The following TTC8 variants were observed in gnomAD, a reference collection of about 807,000 sequenced individuals.
TTC8 encodes the protein tetratricopeptide repeat domain 8.
In TTC8, 47 loss-of-function variants were observed where a neutral mutation model predicts 72.5. The ratio of observed to expected loss-of-function variants is 0.65; its 90% CI spans 0.51 to 0.83. The LOEUF (loss-of-function observed/expected upper bound fraction) is 0.83. Among genes scored for constraint, TTC8 ranks in the 40% least tolerant of loss-of-function variants. The pLI, the probability that TTC8 is intolerant of heterozygous loss-of-function variation, is 0.00. For synonymous variants in TTC8, 199 were observed against 221.4 expected (o/e 0.90, Z 0.90); for missense variants, 611 against 623.2 (o/e 0.98, Z 0.21).
At chr14:88,839,716 A>T in intron 3 of TTC8, 144 bp downstream of exon 3, 1 of 995,210 alleles carries the variant, frequency 1.0e-6, no homozygotes, top group Non-Finnish European at 1.5e-6. Flanking sequence ...TGAAAAAACC[A>T]TTACTTCAAG....
intron 1 of TTC8, among the ~76,000 whole-genome samples, chr14:88,827,972 G>A (rs570544820): frequency 6.6e-6 from 1 of 152,122 alleles, no homozygotes; most frequent in South Asian, 2.1e-4. Flanking sequence ...TTTGCTGAAT[G>A]AGTGCGTCGA....
chr14:88,850,184 GTTAATAGCTT>G (rs1277611832), intron 7 of TTC8, among the ~76,000 whole-genome samples: 1 of 152,156 alleles, frequency 6.6e-6, no homozygotes, highest in Non-Finnish European at 1.5e-5. Flanking sequence ...AAATTTTAAG[GTTAATAGCTT>G]TTAATTATGA....
downstream of TTC8, chr14:88,880,629 A>G (rs1205014947): frequency 1.3e-5 from 2 of 152,096 alleles, no homozygotes; most frequent in South Asian, 2.1e-4. Context: ...CCCTCTTCCA[A>G]TATTTGAAAC....
intron 10 of TTC8, among the ~76,000 whole-genome samples, chr14:88,863,295 A>C (rs1024153399): frequency 1.3e-5 from 2 of 152,210 alleles, no homozygotes; most frequent in Admixed American, 6.5e-5. Context: ...TTTCAGCAAA[A>C]GGATACAAAG....
intron 3 of TTC8, among the ~76,000 whole-genome samples, chr14:88,839,783 TCTTAAA>T (rs1462539600): frequency 6.6e-6 from 1 of 152,184 alleles, no homozygotes; most frequent in African/African-American, 2.4e-5. Flanking sequence ...AATTCAGTTA[TCTTAAA>T]CTTAAGGTAT....
intron 7 of TTC8, 47 bp downstream of exon 7, chr14:88,843,897 C>G: frequency 7.3e-7 from 1 of 1,374,482 alleles, no homozygotes; most frequent in Non-Finnish European, 1.0e-6. Context: ...ATTTTTCTGA[C>G]TTTGGAAGTT....
chr14:88,858,022 C>T (rs1016091846), intron 9 of TTC8, among the ~76,000 whole-genome samples: 1 of 151,162 alleles, frequency 6.6e-6, no homozygotes, highest in Non-Finnish European at 1.5e-5. Context: ...AGTGCAGTGG[C>T]ATGATCTCAG....
At chr14:88,826,597 G>C (rs766141069) in intron 1 of TTC8, among the ~76,000 whole-genome samples, 1 of 151,998 alleles carries the variant, frequency 6.6e-6, no homozygotes, top group East Asian at 2.0e-4. Flanking sequence ...CCAGTTACTC[G>C]GGAGGCCGAG....
intron 2 of TTC8, among the ~76,000 whole-genome samples, chr14:88,834,898 ATT>A (rs2094743279): frequency 6.6e-6 from 1 of 152,156 alleles, no homozygotes; most frequent in African/African-American, 2.4e-5. Context: ...AAAAATCTGT[ATT>A]TGGCATTATT....
At chr14:88,837,659 G>T (rs982098863) in intron 2 of TTC8, among the ~76,000 whole-genome samples, 1 of 152,086 alleles carries the variant, frequency 6.6e-6, no homozygotes, top group African/African-American at 2.4e-5. Flanking sequence ...ATACTGGCAG[G>T]GCAGTATGAC....
At position 88,841,106 on chromosome 14, in the gene TTC8, C is replaced by T; in HGVS notation, c.399C>T (p.Gly133=). 1 of 1,614,086 alleles carries T rather than the reference C, an allele frequency of 6.2e-7. No individual in the cohort carries two copies. The highest frequency in any genetic ancestry group is 8.5e-7 in the Non-Finnish European group (1 of 1,180,008). The change falls in exon 5 of 15, where the codon GGC becomes GGT. Residue 133 remains glycine (G), a synonymous_variant. Transcript: ENST00000380656. The part of the protein sequence containing the change: ...LRPSTQSGRP[G]TMEQAIRTPR... Reference sequence around the variant, plus strand: ...CCAGCACGCAGAGTGGAAGGCCAGGCACTATGGAACAGGCTATCAGAACAC... The same window carrying T: ...CCAGCACGCAGAGTGGAAGGCCAGGTACTATGGAACAGGCTATCAGAACAC...
chr14:88,839,750 T>C (rs1187129402), intron 3 of TTC8, among the ~76,000 whole-genome samples, 178 bp downstream of exon 3: 88 of 152,320 alleles, frequency 5.8e-4, no homozygotes, highest in Admixed American at 6.5e-5. Context: ...TTCTGCCTTA[T>C]GGTACAAAGG....
intron 8 of TTC8, 69 bp downstream of exon 8, chr14:88,853,125 T>A: frequency 1.8e-6 from 2 of 1,141,898 alleles, no homozygotes; most frequent in South Asian, 2.5e-5. Context: ...CTGATACTTT[T>A]TGAGGGGGGG....
intron 10 of TTC8, among the ~76,000 whole-genome samples, chr14:88,867,006 A>C (rs1363537712): frequency 1.3e-5 from 2 of 152,186 alleles, no homozygotes; most frequent in Non-Finnish European, 2.9e-5. Flanking sequence ...AACTAAAACA[A>C]CAGTGATAAG....
At chr14:88,835,279 T>C (rs2094745529) in intron 2 of TTC8, among the ~76,000 whole-genome samples, 1 of 152,222 alleles carries the variant, frequency 6.6e-6, no homozygotes, top group Admixed American at 6.5e-5. Flanking sequence ...CATGCTTTGC[T>C]CAGTCAGCAG....
chr14:88,843,672 T>C (rs1424504327), intron 6 of TTC8, 134 bp from the exon 7 acceptor site: 2 of 599,442 alleles, frequency 3.3e-6, no homozygotes, highest in Non-Finnish European at 5.8e-6. Context: ...TAAATAGTAA[T>C]ATTTTAAAAT....
intron 7 of TTC8, among the ~76,000 whole-genome samples, chr14:88,852,484 CTCT>C (rs2094837962): frequency 6.6e-6 from 1 of 152,096 alleles, no homozygotes; most frequent in African/African-American, 2.4e-5. Context: ...GCTCCTTTCA[CTCT>C]TCTTCATGAT....
At position 88,874,820 on chromosome 14, in the gene TTC8, C is replaced by T. The variant is rs371081751; in HGVS notation, c.1348-206C>T. On this transcript the variant is annotated intron_variant, in intron 13 of 14. Transcript: ENST00000380656. ...TGTCTTATGAAGCATTTATTATTAACATAATTTTGGCAAGGTATCAGTAGT... is the reference window on the plus strand; with the variant it reads ...TGTCTTATGAAGCATTTATTATTAATATAATTTTGGCAAGGTATCAGTAGT... Among the ~76,000 whole-genome samples the T allele has an allele frequency of 1.4e-4, 22 of 152,002 alleles. No homozygotes were observed. In the South Asian group the frequency reaches 4.4e-3, roughly 30 times the overall value.
chr14:88,878,361 C>G (rs538005473), downstream of TTC8: 5 of 152,306 alleles, frequency 3.3e-5, no homozygotes, highest in Admixed American at 2.6e-4. Context: ...CAGGACCACT[C>G]AAACTCATAC....
Sources: allele counts gnomAD v4.1 joint callset (sites outside exome capture counted in the v4.1 genomes callset), GRCh38; gene constraint gnomAD v4.1.1; transcripts MANE v1.5; gene names NCBI Gene and HGNC (gene_info 2026-07-23, HGNC 2026-07-21).